Variants in NSD1 observed in about 807,000 individuals in gnomAD.
NSD1 encodes the protein nuclear receptor binding SET domain protein 1.
Under a neutral mutation model 242.7 loss-of-function variants are expected in NSD1, and 26 were observed. The observed-to-expected ratio is 0.11, with a 90% CI of 0.08 to 0.15. NSD1 has a LOEUF of 0.15. NSD1 is among the 10% of genes least tolerant of loss of function. The pLI, the probability that NSD1 is intolerant of heterozygous loss-of-function variation, is 1.00. For missense variants in NSD1, 2,495 were observed against 3,272.8 expected (o/e 0.76, Z 5.80); for synonymous variants, 1,106 against 1,178.1 (o/e 0.94, Z 1.25).
rs76488022 is a variant in NSD1 at position 177,201,460 on chromosome 5, T to G, written c.1064-2660T>G. On this transcript the variant is annotated intron_variant, in intron 3 of 22. Transcript: ENST00000439151. ...TATTAGTTTCCCTTTTCTTCTAGTT[T>G]ATGATAGTGTTTAGAACTACTTGTA... Among the ~76,000 whole-genome samples, 648 of 152,320 alleles carry G rather than the reference T, an allele frequency of 4.3e-3. 3 individuals are homozygous for G. The highest frequency in any genetic ancestry group is 0.014 in the African/African-American group (593 of 41,582).
intron 2 of NSD1, among the ~76,000 whole-genome samples, chr5:177,177,693 A>G (rs1001624949): frequency 6.6e-6 from 1 of 152,080 alleles, no homozygotes; most frequent in Admixed American, 6.6e-5. Context: ...TATGTTCACA[A>G]TTATATGTGT....
In NSD1 at chr5:177,294,236, C is replaced by T. The variant is rs767645475; in HGVS notation, c.6868C>T (p.Pro2290Ser). 3 of 1,613,454 alleles carry T rather than the reference C, an allele frequency of 1.9e-6. No homozygotes were observed. Among genetic ancestry groups the T allele is most frequent in the South Asian group, 2.2e-5 (2 of 91,018 alleles). ...ACCTCTTGAGAGAACTGACTCCAGG[C>T]CCCAGCCTTTAGATAAGGTCAGAGA... ...ERPLERTDSR[P>S]QPLDKVRDLA... The change falls in exon 23 of 23, where the codon CCC (proline) becomes TCC (serine). Residue 2290 changes from proline to serine, a missense_variant. Transcript: ENST00000439151.
chr5:177,142,508 C>T (rs1756909834), intron 2 of NSD1, among the ~76,000 whole-genome samples: 1 of 152,062 alleles, frequency 6.6e-6, no homozygotes, highest in Admixed American at 6.6e-5. Flanking sequence ...ATAGTTTAAG[C>T]AGAGACATAC....
chr5:177,152,711 G>A (rs1308299837), intron 2 of NSD1, among the ~76,000 whole-genome samples: 7 of 151,522 alleles, frequency 4.6e-5, no homozygotes, highest in African/African-American at 9.7e-5. Flanking sequence ...TGATCCGCCC[G>A]CCTCTGCTTC....
intron 3 of NSD1, among the ~76,000 whole-genome samples, chr5:177,199,050 C>T (rs137977843): frequency 2.4e-4 from 37 of 152,282 alleles, no homozygotes; most frequent in Non-Finnish European, 3.2e-4. Flanking sequence ...GGTGCGAAAG[C>T]GATACACATT....
chr5:177,209,544 AG>A lies in NSD1; in HGVS notation c.1237-90del, dbSNP rs11322143. The A allele has an allele frequency of 0.11, 91,947 of 823,436 alleles. 5,130 individuals carry two copies. Among genetic ancestry groups the A allele is most frequent in the East Asian group, 0.36 (10,545 of 29,602 alleles). 51.0% of individuals were successfully genotyped at this position (823,436 alleles called of 1,614,324 possible). On this transcript the variant is annotated intron_variant, in intron 4 of 22. Transcript: ENST00000439151. ...ACTCTGTCTCAAAAAAAAAAAAAAA[AG>A]GAATAAAAAAAAAAGCTTCTGATTT...
At chr5:177,141,319 CTTTTTTTTTTT>C (rs567992731) in intron 2 of NSD1, among the ~76,000 whole-genome samples, 1,064 of 97,036 alleles carry the variant, frequency 0.011, 35 homozygotes, top group African/African-American at 0.058. Flanking sequence ...CGCGCGCAGC[CTTTTTTTTTTT>C]TTTTTTTTTT....
chr5:177,242,239 C>T (rs1193175672), intron 8 of NSD1, among the ~76,000 whole-genome samples: 1 of 151,870 alleles, frequency 6.6e-6, no homozygotes, highest in Non-Finnish European at 1.5e-5. Context: ...AAACAATGAA[C>T]TAATTTGTTA....
intron 4 of NSD1, among the ~76,000 whole-genome samples, chr5:177,204,742 CTG>C (rs1762753923): frequency 1.3e-5 from 2 of 151,872 alleles, no homozygotes; most frequent in African/African-American, 4.8e-5. Context: ...AGTAGAATAT[CTG>C]TGAGAAAAGA....
intron 5 of NSD1, among the ~76,000 whole-genome samples, chr5:177,233,614 C>T (rs1468458182): frequency 4.0e-5 from 6 of 151,048 alleles, no homozygotes; most frequent in South Asian, 2.1e-4. Flanking sequence ...CCTGAGCCAC[C>T]GCACCTGCCC....
At chr5:177,274,162 A>G (rs1372793009) in intron 17 of NSD1, among the ~76,000 whole-genome samples, 2 of 152,318 alleles carry the variant, frequency 1.3e-5, no homozygotes, top group East Asian at 1.9e-4. Flanking sequence ...TCCAAAAAAA[A>G]GAAGAAAAAA....
chr5:177,228,007 G>A (rs1380892127), intron 5 of NSD1, among the ~76,000 whole-genome samples: 1 of 149,428 alleles, frequency 6.7e-6, no homozygotes, highest in African/African-American at 2.5e-5. Context: ...GATTCATCCT[G>A]TAGATTTTCT....
At position 177,211,092 on chromosome 5, in the gene NSD1, A is replaced by G. The variant is rs1391046259; in HGVS notation, c.2693A>G (p.His898Arg). Residue 898 changes from histidine to arginine, a missense_variant, in exon 5 of 23, where the codon CAC (histidine) becomes CGC (arginine). Physicochemically the swap from His to Arg is conservative, Grantham distance 29. This residue lies in a region of NSD1 where 121 missense variants were observed against 167.2 expected (regional missense o/e 0.72). Transcript: ENST00000439151. ...TTCTCTTCTGCTTCTAGTCAGAATC[A>G]CATACCTATTGAACCAGACTACAAA... ...LLFSSASSQN[H>R]IPIEPDYKFS... 1 of 1,614,216 alleles carries G rather than the reference A, an allele frequency of 6.2e-7. No homozygotes were observed. Among genetic ancestry groups the G allele is most frequent in the Admixed American group, 1.7e-5 (1 of 60,020 alleles).
chr5:177,283,414 T>C (rs1759054622), intron 19 of NSD1, among the ~76,000 whole-genome samples: 1 of 152,240 alleles, frequency 6.6e-6, no homozygotes, highest in Admixed American at 6.5e-5. Flanking sequence ...ATTTCTAATG[T>C]GCATCTGGGT....
At chr5:177,204,441 C>T (rs1762730764) in intron 4 of NSD1, 149 bp downstream of exon 4, 4 of 708,408 alleles carry the variant, frequency 5.6e-6, no homozygotes, top group East Asian at 2.9e-5. Flanking sequence ...GCAACCTCCG[C>T]GTCCCAGGTT....
chr5:177,152,315 GTGTGTGTATGTATGTA>G (rs1202922707), intron 2 of NSD1, among the ~76,000 whole-genome samples: 38 of 140,504 alleles, frequency 2.7e-4, no homozygotes, highest in African/African-American at 8.0e-4. Context: ...CAGGTTGTGT[GTGTGTGTATGTATGTA>G]TGTATGTATG....
intron 2 of NSD1, 86 bp from the exon 3 acceptor site, chr5:177,191,798 G>T: frequency 1.4e-6 from 2 of 1,409,300 alleles, no homozygotes; most frequent in East Asian, 2.3e-5. Context: ...TTCATACATT[G>T]CTTTTTCAGA....
At chr5:177,181,421 T>TG (rs1760661174) in intron 2 of NSD1, among the ~76,000 whole-genome samples, 1 of 133,712 alleles carries the variant, frequency 7.5e-6, no homozygotes, top group South Asian at 2.4e-4. Context: ...TATGGGTTTT[T>TG]TTTTGGTTTT....
At chr5:177,142,332 GAGAT>G (rs1382836450) in intron 2 of NSD1, among the ~76,000 whole-genome samples, 4 of 152,194 alleles carry the variant, frequency 2.6e-5, no homozygotes, top group African/African-American at 4.8e-5. Flanking sequence ...AAAAAGGAAA[GAGAT>G]AGTTTGCTTT....
Sources: gnomAD v4.1 joint callset for allele counts (sites outside exome capture counted in the v4.1 genomes callset) on GRCh38, gnomAD v4.1.1 for gene constraint, gnomAD v4.1.1 regional missense constraint, MANE v1.5 for transcripts, NCBI Gene and HGNC (gene_info 2026-07-23, HGNC 2026-07-21) for gene names.